TMEM164: variants seen among roughly 807,000 people sequenced by gnomAD.
TMEM164 encodes RP13-360B22.2.
Under a neutral mutation model 18.8 loss-of-function variants are expected in TMEM164, and 4 were observed. The ratio of observed to expected loss-of-function variants is 0.21; its 90% confidence interval spans 0.10 to 0.49. The LOEUF (loss-of-function observed/expected upper bound fraction) is 0.49. TMEM164 is among the 20% of genes least tolerant of loss of function. TMEM164 has a pLI of 0.98. For missense variants in TMEM164, 108 were observed against 239.9 expected (o/e 0.45, Z 3.63); for synonymous variants, 86 against 101.7 (o/e 0.85, Z 0.93).
intron 5 of TMEM164, among the ~76,000 whole-genome samples, chrX:110,150,873 A>T (rs1321304510): frequency 8.9e-6 from 1 of 111,823 alleles, no homozygotes; most frequent in African/African-American, 3.3e-5. Context: ...GTATAATAAA[A>T]ATGGCAGAGC....
intron 3 of TMEM164, among the ~76,000 whole-genome samples, chrX:110,083,796 A>G (rs2065792762): frequency 9.0e-6 from 1 of 111,583 alleles, no homozygotes; most frequent in African/African-American, 3.3e-5. Context: ...TATTTATTAT[A>G]TTTTCAAACT....
chrX:110,056,005 T>A (rs888070267), intron 2 of TMEM164, among the ~76,000 whole-genome samples: 1 of 111,927 alleles, frequency 8.9e-6, no homozygotes. Flanking sequence ...AAAGTTTGTT[T>A]TTTAAACAGC....
At chrX:110,048,893 A>G (rs1034188050) in intron 2 of TMEM164, among the ~76,000 whole-genome samples, 1 of 111,720 alleles carries the variant, frequency 9.0e-6, no homozygotes, top group Non-Finnish European at 1.9e-5. Flanking sequence ...TAGACATAAG[A>G]GATGGCTGTT....
intron 4 of TMEM164, among the ~76,000 whole-genome samples, chrX:110,116,878 TGTG>T (rs1339085741): frequency 1.1e-5 from 1 of 92,841 alleles, no homozygotes; most frequent in Non-Finnish European, 2.2e-5. Context: ...GTGTGTGTGG[TGTG>T]TGTGTGTGTG....
At chrX:110,084,396 T>TATATATA (rs1258599392) in intron 3 of TMEM164, among the ~76,000 whole-genome samples, 7 of 1,804 alleles carry the variant, frequency 3.9e-3, no homozygotes, top group African/African-American at 9.6e-3. Flanking sequence ...ATATATAGTA[T>TATATATA]AGTATATATA....
At chrX:110,152,255 C>T (rs768193952) in intron 5 of TMEM164, among the ~76,000 whole-genome samples, 2 of 109,508 alleles carry the variant, frequency 1.8e-5, no homozygotes, top group African/African-American at 6.6e-5. Context: ...GGGGTTTCAC[C>T]ATGTTGGCCA....
chrX:110,112,076 G>T (rs2066298083), intron 4 of TMEM164, among the ~76,000 whole-genome samples: 1 of 110,806 alleles, frequency 9.0e-6, no homozygotes, highest in East Asian at 2.8e-4. Context: ...GAGCCTGGTG[G>T]CTCACACCTG....
chrX:110,141,143 C>A (rs2066764119), intron 4 of TMEM164, among the ~76,000 whole-genome samples: 1 of 111,518 alleles, frequency 9.0e-6, no homozygotes, highest in African/African-American at 3.3e-5. Flanking sequence ...CATAATGAGA[C>A]CCTATTTCTT....
At chrX:110,161,232 C>T (rs1244604342) in intron 5 of TMEM164, among the ~76,000 whole-genome samples, 1 of 111,599 alleles carries the variant, frequency 9.0e-6, no homozygotes, top group Non-Finnish European at 1.9e-5. Flanking sequence ...AAAAACTGGC[C>T]CCAAGGTCAT....
chrX:110,004,260 C>T, intron 2 of TMEM164, 96 bp downstream of exon 2: 2 of 1,014,033 alleles, frequency 2.0e-6, no homozygotes, highest in Non-Finnish European at 2.6e-6. Flanking sequence ...TCCCGGCGGG[C>T]AGGGGGACCT....
At chrX:110,054,809 C>G (rs1356977113) in intron 2 of TMEM164, among the ~76,000 whole-genome samples, 2 of 111,588 alleles carry the variant, frequency 1.8e-5, no homozygotes, top group African/African-American at 6.5e-5. Flanking sequence ...GTCACACTCC[C>G]CAACATTACA....
chrX:110,023,574 G>C (rs1934024758), intron 2 of TMEM164, among the ~76,000 whole-genome samples: 1 of 111,647 alleles, frequency 9.0e-6, no homozygotes, highest in African/African-American at 3.3e-5. Context: ...CACACAGTTA[G>C]TATTAGGGTA....
At position 110,101,580 on chromosome X, in the gene TMEM164, A is replaced by ATTTT. The variant is rs1298157425; in HGVS notation, c.441-7486_441-7483dup. On this transcript the variant is annotated intron_variant, in intron 3 of 6. Transcript: ENST00000372068. Reference sequence around the variant, plus strand: ...CAAAGACAAACTTTTGGTTTTATTGATTTTTTTTTTTTTTTTTGAGACAGT... The same window carrying ATTTT: ...CAAAGACAAACTTTTGGTTTTATTGATTTTTTTTTTTTTTTTTTTTTGAGACAGT... 5.4e-4 allele frequency among the ~76,000 whole-genome samples: 49 copies of ATTTT among 90,795 alleles called. 1 individual carries two copies. The highest frequency in any genetic ancestry group is 2.1e-3 in the African/African-American group (49 of 23,880). The allele number at this position is 90,795 out of a possible 115,157, so 78.8% of individuals were successfully genotyped here.
In TMEM164 at chrX:110,030,789, C is replaced by T. The variant is rs749231259; in HGVS notation, c.390+26625C>T. Among the ~76,000 whole-genome samples the T allele has an allele frequency of 5.3e-4, 47 of 87,970 alleles. 1 individual carries two copies. In the East Asian group the frequency reaches 5.9e-3, roughly 11 times the overall value. 76.4% of individuals were successfully genotyped at this position (87,970 alleles called of 115,157 possible). Reference sequence around the variant, plus strand: ...TCGCGCCACTGCACTCCAGCCTGGGCGACAGAGCAAGACTCTGTCTCAAAA... The same window carrying T: ...TCGCGCCACTGCACTCCAGCCTGGGTGACAGAGCAAGACTCTGTCTCAAAA... On this transcript the variant is annotated intron_variant, in intron 2 of 6. Coordinates refer to ENST00000372068, the MANE Select transcript of TMEM164 (RefSeq NM_032227.4).
intron 2 of TMEM164, among the ~76,000 whole-genome samples, chrX:110,061,722 A>T (rs186681656): frequency 9.0e-6 from 1 of 111,557 alleles, no homozygotes; most frequent in Admixed American, 9.6e-5. Context: ...TTCTTTATAA[A>T]CTCCTTAGAC....
intron 2 of TMEM164, among the ~76,000 whole-genome samples, chrX:110,041,318 A>G (rs750163025): frequency 9.8e-5 from 11 of 112,221 alleles, no homozygotes; most frequent in African/African-American, 3.6e-4. Context: ...AACTTTATTA[A>G]TAATCAGGCA....
intron 6 of TMEM164, among the ~76,000 whole-genome samples, chrX:110,172,255 G>A (rs1373497108): frequency 9.0e-6 from 1 of 111,704 alleles, no homozygotes; most frequent in East Asian, 2.8e-4. Flanking sequence ...GAGGTGGTGA[G>A]GACTTGTCTT....
At position 110,024,217 on chromosome X, in the gene TMEM164, AT is replaced by A. The variant is rs1215642591; in HGVS notation, c.390+20063del. 1.5e-3 allele frequency among the ~76,000 whole-genome samples: 167 copies of A among 109,530 alleles called. 1 individual carries two copies. Among genetic ancestry groups the A allele is most frequent in the African/African-American group, 5.2e-3 (156 of 30,208 alleles). ...TTCCCTTGTGAATTTATAATGAAACATTTTTTTTTTCTTTTCAGTGAGCTTC... is the reference window on the plus strand; with the variant it reads ...TTCCCTTGTGAATTTATAATGAAACATTTTTTTTTCTTTTCAGTGAGCTTC... On this transcript the variant is annotated intron_variant, in intron 2 of 6. Transcript: ENST00000372068.
downstream of TMEM164, among the ~76,000 whole-genome samples, chrX:110,178,712 A>G (rs185809427): frequency 8.9e-6 from 1 of 112,600 alleles, no homozygotes; most frequent in East Asian, 2.8e-4. Context: ...TCAGCAAAGT[A>G]GTAGCTCCAA....
Sources: gnomAD v4.1 joint callset for allele counts (sites outside exome capture counted in the v4.1 genomes callset) on GRCh38, gnomAD v4.1.1 for gene constraint, MANE v1.5 for transcripts, NCBI Gene and HGNC (gene_info 2026-07-23, HGNC 2026-07-21) for gene names.